The following ZFYVE21 variants were observed in gnomAD, a reference collection of about 807,000 sequenced individuals.
ZFYVE21 encodes the protein zinc finger FYVE domain-containing protein 21.
Under a neutral mutation model 29.5 loss-of-function variants are expected in ZFYVE21, and 21 were observed. The observed-to-expected ratio is 0.71, with a 90% CI of 0.50 to 1.02. The LOEUF is 1.02. Ranked by LOEUF, ZFYVE21 falls within the 50% of genes least tolerant of loss-of-function variation. ZFYVE21 has a pLI of 0.00. For missense variants in ZFYVE21, 326 were observed against 335.4 expected (o/e 0.97, Z 0.22); for synonymous variants, 151 against 133.8 (o/e 1.13, Z -0.89).
intron 6 of ZFYVE21, 60 bp downstream of exon 6, chr14:103,732,822 C>G (rs1258423366): frequency 1.2e-6 from 2 of 1,600,294 alleles, no homozygotes; most frequent in Non-Finnish European, 1.7e-6. Flanking sequence ...CTTGCCTTTC[C>G]CAGAGGAAGC....
intron 5 of ZFYVE21, chr14:103,730,466 T>G (rs559051844): frequency 6.5e-6 from 1 of 153,066 alleles, no homozygotes; most frequent in Non-Finnish European, 1.5e-5. Context: ...GAGGCTCAGA[T>G]GAAGGCCAGT....
intron 3 of ZFYVE21, 155 bp downstream of exon 3, chr14:103,728,069 G>A: frequency 1.2e-6 from 1 of 801,194 alleles, no homozygotes; most frequent in Non-Finnish European, 1.9e-6. Context: ...GTTTAGAAGC[G>A]GTTATAGAGC....
rs755974510 is a variant in ZFYVE21, at chr14:103,715,891, C to A, written c.50C>A (p.Ser17Tyr). 2.8e-6 allele frequency: 4 copies of A among 1,438,274 alleles called. No individual in the cohort carries two copies. In the South Asian group the frequency reaches 5.2e-5, roughly 19 times the overall value. The allele number at this position is 1,438,274 out of a possible 1,614,324, so 89.1% of individuals were successfully genotyped here. A position where few individuals can be genotyped will look rare whatever the true frequency, so the allele number is the denominator to read the frequency against. ...CGCGACGCCAAGAAGCTGGTGCGCT[C>A]CCCGAGCGGCCTGCGCATGGTGCCC... ...ARRDAKKLVR[S>Y]PSGLRMVPEH... The change falls in exon 1 of 7, where the codon TCC becomes TAC. Residue 17 changes from serine (S) to tyrosine (Y), a missense_variant. Physicochemically the swap from Ser to Tyr is moderately radical, Grantham distance 144. Transcript: ENST00000311141.
At chr14:103,719,285 A>G (rs2083853587) in intron 1 of ZFYVE21, among the ~76,000 whole-genome samples, 1 of 152,094 alleles carries the variant, frequency 6.6e-6, no homozygotes, top group African/African-American at 2.4e-5. Flanking sequence ...CTCAAAATAA[A>G]TAAATAAATA....
intron 1 of ZFYVE21, chr14:103,725,807 C>CT (rs2083918132): frequency 6.6e-6 from 1 of 152,256 alleles, no homozygotes; most frequent in Admixed American, 6.5e-5. Flanking sequence ...TCAATTCCAC[C>CT]TTTACCCTTA....
intron 1 of ZFYVE21, among the ~76,000 whole-genome samples, chr14:103,724,039 G>C (rs963879200): frequency 3.3e-5 from 5 of 152,218 alleles, no homozygotes. Context: ...CCAGAGAAGG[G>C]GTGCAGGGCA....
Position 103,726,790 on chromosome 14 carries a change from A to G in ZFYVE21, c.139-2A>G. ...TTTAACGCTTTGTCGTGTCTTTCCT[A>G]GTGTCGGAGATGTATGCAGTGTGAC... On this transcript the variant is annotated splice_acceptor_variant, in intron 1 of 6. Transcript: ENST00000311141. LOFTEE classifies it high-confidence loss of function. The G allele has an allele frequency of 6.2e-7, 1 of 1,613,530 alleles. No individual in the cohort carries two copies. The highest frequency in any genetic ancestry group is 1.7e-5 in the Admixed American group (1 of 59,972).
chr14:103,718,479 TC>T (rs560023291), intron 1 of ZFYVE21, among the ~76,000 whole-genome samples: 224 of 152,258 alleles, frequency 1.5e-3, no homozygotes, highest in Middle Eastern at 3.4e-3. Context: ...CAGTTGAGAA[TC>T]GTTTCTCCAG....
chr14:103,729,013 C>G, intron 4 of ZFYVE21, 30 bp downstream of exon 4: 1 of 1,613,810 alleles, frequency 6.2e-7, no homozygotes, highest in Non-Finnish European at 8.5e-7. Context: ...TGGCACGGGG[C>G]AGCATTGTCA....
At position 103,716,233 on chromosome 14, in the gene ZFYVE21, G is replaced by T. The variant is rs541787562; in HGVS notation, c.138+254G>T. Among the ~76,000 whole-genome samples, 577 of 152,102 alleles carry T rather than the reference G, an allele frequency of 3.8e-3. 5 individuals carry two copies. The highest frequency in any genetic ancestry group is 0.013 in the African/African-American group (551 of 41,516). On this transcript the variant is annotated intron_variant, in intron 1 of 6. Transcript: ENST00000311141. This position sits in a 1 kb window ranked among gnomAD's most constrained non-coding sequence, Gnocchi z 4.8. ...CGGGAGGGCAGGAGGCACCTGTCCA[G>T]GGCGGGCGCCGGGAGGCGGGGTGCG... is the stretch of plus-strand genomic sequence containing the variant.
chr14:103,718,302 C>T (rs1309636477), intron 1 of ZFYVE21, among the ~76,000 whole-genome samples: 1 of 152,232 alleles, frequency 6.6e-6, no homozygotes, highest in African/African-American at 2.4e-5. Flanking sequence ...AGCCCAGTGC[C>T]CGTCTCCCGA....
rs543622209 is a variant in ZFYVE21, at chr14:103,717,230, C to T, written c.138+1251C>T. Among the ~76,000 whole-genome samples the T allele has an allele frequency of 6.6e-5, 10 of 152,334 alleles. No homozygotes were observed. The East Asian group carries it at 1.7e-3, about 26-fold the overall frequency. On this transcript the variant is annotated intron_variant, in intron 1 of 6. Coordinates refer to ENST00000311141, the MANE Select transcript of ZFYVE21 (RefSeq NM_024071.4). ...AGTGCTGCCCACCTCTCCCCAGTATCGCCACCATGAGGAGTCTTTTTAGAC... is the reference window on the plus strand; with the variant it reads ...AGTGCTGCCCACCTCTCCCCAGTATTGCCACCATGAGGAGTCTTTTTAGAC...
chr14:103,723,079 G>A (rs908895215), intron 1 of ZFYVE21, among the ~76,000 whole-genome samples: 6 of 152,220 alleles, frequency 3.9e-5, no homozygotes, highest in Admixed American at 1.3e-4. Context: ...CCTGTCGGGC[G>A]CTGTGGGCCA....
chr14:103,729,346 C>A, intron 5 of ZFYVE21, 164 bp downstream of exon 5: 1 of 676,026 alleles, frequency 1.5e-6, no homozygotes, highest in Non-Finnish European at 2.5e-6. Context: ...TGTATTTACT[C>A]AGTGGCTTTA....
rs370417604 is a variant in ZFYVE21 at position 103,729,148 on chromosome 14, C to T, written c.492C>T (p.Thr164=). The part of the protein sequence containing the change: ...HYEIEIVHIS[T]VQILTEGFPP... ...AAATCGAAATTGTACACATTTCCAC[C>T]GTGCAGATCCTCACAGAAGGCTTCC... Residue 164 remains threonine, a synonymous_variant, in exon 5 of 7, where the codon ACC becomes ACT. Coordinates refer to ENST00000311141, the MANE Select transcript of ZFYVE21 (RefSeq NM_024071.4). 1.3e-4 allele frequency: 217 copies of T among 1,614,042 alleles called. No individual in the cohort carries two copies. The African/African-American group carries it at 2.5e-3, about 18-fold the overall frequency.
intron 1 of ZFYVE21, chr14:103,725,564 A>G (rs1031045415): frequency 2.9e-4 from 44 of 152,426 alleles, no homozygotes; most frequent in African/African-American, 1.1e-3. Flanking sequence ...CCGGGTGGCC[A>G]TGGCTGCCCA....
chr14:103,716,059 C>A lies in ZFYVE21; in HGVS notation c.138+80C>A. 2 of 1,149,384 alleles carry A rather than the reference C, an allele frequency of 1.7e-6. No individual in the cohort carries two copies. Among genetic ancestry groups the A allele is most frequent in the Non-Finnish European group, 2.1e-6 (2 of 931,906 alleles). The allele number at this position is 1,149,384 out of a possible 1,614,324, so 71.2% of individuals were successfully genotyped here. ...GGCCCCGCGGGCTTCCAGGCTCCCG[C>A]GACGACCCCTCCGCCTCCGGGCGGC... On this transcript the variant is annotated intron_variant, in intron 1 of 6. Transcript: ENST00000311141. The surrounding 1 kb of genome is among the most constrained non-coding windows in gnomAD (Gnocchi z 4.8).
chr14:103,715,840 T>A lies in ZFYVE21; in HGVS notation c.-2T>A. On this transcript the variant is annotated 5_prime_UTR_variant, in exon 1 of 7. Coordinates refer to ENST00000311141, the MANE Select transcript of ZFYVE21 (RefSeq NM_024071.4). ...CGCTGGCCGAGAGGCTGAGGCGGCG[T>A]CATGTCCTCCGAGGTGTCCGCGCGC... 7.1e-7 allele frequency: 1 copy of A among 1,401,150 alleles called. No homozygotes were observed. Among genetic ancestry groups the A allele is most frequent in the Non-Finnish European group, 9.3e-7 (1 of 1,071,368 alleles). The allele number at this position is 1,401,150 out of a possible 1,614,324, so 86.8% of individuals were successfully genotyped here.
chr14:103,728,554 G>C (rs778586291), intron 3 of ZFYVE21, among the ~76,000 whole-genome samples: 5 of 152,188 alleles, frequency 3.3e-5, no homozygotes, highest in Admixed American at 6.5e-5. Context: ...CCTTTCTGCT[G>C]TCTTGGTCCT....
Sources: gnomAD v4.1 joint callset for allele counts (sites outside exome capture counted in the v4.1 genomes callset) on GRCh38, gnomAD v4.1.1 for gene constraint, Gnocchi (gnomAD v3.1) non-coding constraint, MANE v1.5 for transcripts, NCBI Gene and HGNC (gene_info 2026-07-23, HGNC 2026-07-21) for gene names.